SHISA9: variants seen among roughly 807,000 people sequenced by gnomAD.
SHISA9 encodes the protein shisa family member 9.
A neutral mutation model predicts 38.0 loss-of-function variants in SHISA9; 13 were observed. The ratio of observed to expected loss-of-function variants is 0.34; its 90% CI spans 0.22 to 0.54. The LOEUF is 0.54. SHISA9 is among the 20% of genes least tolerant of loss of function. The pLI is 0.91. For synonymous variants in SHISA9, 275 were observed against 242.0 expected (o/e 1.14, Z -1.27); for missense variants, 538 against 575.8 (o/e 0.93, Z 0.67).
the SHISA9 span, among the ~76,000 whole-genome samples, chr16:13,549,078 C>T: frequency 1.1e-4 from 17 of 152,162 alleles, no homozygotes; most frequent in Non-Finnish European, 2.4e-4. Context: ...GTGGATGAAT[C>T]TGGAGATCAT....
the SHISA9 span, among the ~76,000 whole-genome samples, chr16:13,384,452 G>T: frequency 1.3e-5 from 2 of 152,234 alleles, no homozygotes; most frequent in Non-Finnish European, 2.9e-5. Context: ...ATTGGAATAA[G>T]TAGAAGTATT....
chr16:13,025,045 C>T (rs757327785), intron 2 of SHISA9, among the ~76,000 whole-genome samples: 4 of 152,124 alleles, frequency 2.6e-5, no homozygotes, highest in Non-Finnish European at 4.4e-5. Context: ...TCTTATAGAA[C>T]AGCATAACAT....
intron 2 of SHISA9, among the ~76,000 whole-genome samples, chr16:12,925,988 A>C (rs1356597194): frequency 1.3e-5 from 2 of 152,070 alleles, no homozygotes; most frequent in Non-Finnish European, 2.9e-5. Flanking sequence ...GGCCTCCCAA[A>C]GTGCTGGGAT....
chr16:12,969,986 C>T lies in SHISA9; in HGVS notation c.691+53171C>T, dbSNP rs561187664. Among the ~76,000 whole-genome samples the T allele has an allele frequency of 8.2e-4, 124 of 151,820 alleles. 1 individual carries two copies. Among genetic ancestry groups the T allele is most frequent in the Non-Finnish European group, 1.5e-3 (104 of 67,924 alleles). ...ATCACTACATTCAGAATGGCGAATACCTTGAGAAAAATGAGATGGGGAGAG... is the reference window on the plus strand; with the variant it reads ...ATCACTACATTCAGAATGGCGAATATCTTGAGAAAAATGAGATGGGGAGAG... On this transcript the variant is annotated intron_variant, in intron 2 of 4. Transcript: ENST00000558583.
chr16:13,487,958 T>A, the SHISA9 span, among the ~76,000 whole-genome samples: 2 of 152,170 alleles, frequency 1.3e-5, no homozygotes, highest in Admixed American at 6.5e-5. Flanking sequence ...AGAATCTCTT[T>A]TAAAGCAAGG....
chr16:13,455,651 C>T, the SHISA9 span, among the ~76,000 whole-genome samples: 1 of 152,318 alleles, frequency 6.6e-6, no homozygotes, highest in Non-Finnish European at 1.5e-5. Flanking sequence ...GATGCAAAAA[C>T]ATGAAGCTAA....
intron 2 of SHISA9, among the ~76,000 whole-genome samples, chr16:12,997,327 G>T (rs1019944027): frequency 6.6e-6 from 1 of 150,946 alleles, no homozygotes. Flanking sequence ...TTATTGCTGA[G>T]TAGTATTCCA....
At chr16:13,271,603 A>G in the SHISA9 span, among the ~76,000 whole-genome samples, 1 of 152,206 alleles carries the variant, frequency 6.6e-6, no homozygotes, top group Non-Finnish European at 1.5e-5. Context: ...CCTCAAATAT[A>G]TTATGTAAAG....
rs527417493 is a variant in SHISA9, at chr16:13,057,210, G to A, written c.691+140395G>A. On this transcript the variant is annotated intron_variant, in intron 2 of 4. Coordinates refer to ENST00000558583, the MANE Select transcript of SHISA9 (RefSeq NM_001145204.3). ...CAGCTGTGGCAGCCTCCAGGGAGCC[G>A]AACAATAGAACGTTCATGGATTTGA... Among the ~76,000 whole-genome samples the A allele has an allele frequency of 6.6e-5, 10 of 152,192 alleles. 1 individual carries two copies. Among genetic ancestry groups the A allele is most frequent in the Admixed American group, 5.2e-4 (8 of 15,294 alleles).
intron 2 of SHISA9, among the ~76,000 whole-genome samples, chr16:13,050,359 T>A (rs1054392476): frequency 1.3e-5 from 2 of 152,146 alleles, no homozygotes; most frequent in Non-Finnish European, 2.9e-5. Context: ...ATTAAATGGG[T>A]CTGGCTCCGT....
chr16:13,063,014 T>TC (rs2073393754), intron 2 of SHISA9, among the ~76,000 whole-genome samples: 1 of 152,076 alleles, frequency 6.6e-6, no homozygotes, highest in Non-Finnish European at 1.5e-5. Context: ...TTCTTTTTTT[T>TC]TCTTTTTTTT....
At position 13,150,716 on chromosome 16, in the gene SHISA9, A is replaced by G. The variant is rs2050491972; in HGVS notation, c.692-52678A>G. Among the ~76,000 whole-genome samples, 2 of 152,180 alleles carry G rather than the reference A, an allele frequency of 1.3e-5. 1 individual carries two copies. The highest frequency in any genetic ancestry group is 4.8e-5 in the African/African-American group (2 of 41,450). Reference sequence around the variant, plus strand: ...GCGGAGGCATTGTCTGGGACCTCCCACCACCCCTGCAAGCAGTAATGGTGG... The same window carrying G: ...GCGGAGGCATTGTCTGGGACCTCCCGCCACCCCTGCAAGCAGTAATGGTGG... On this transcript the variant is annotated intron_variant, in intron 2 of 4. Coordinates refer to ENST00000558583, the MANE Select transcript of SHISA9 (RefSeq NM_001145204.3).
In SHISA9 at chr16:12,902,166, A is replaced by T. The variant is rs1315922936; in HGVS notation, c.102A>T (p.Gln34His). 6.5e-7 allele frequency: 1 copy of T among 1,528,274 alleles called. No homozygotes were observed. The highest frequency in any genetic ancestry group is 8.7e-7 in the Non-Finnish European group (1 of 1,143,090). 94.7% of individuals were successfully genotyped at this position (1,528,274 alleles called of 1,614,324 possible). ...GAGCGGGACACGGGCAGCTGGCGCA[A>T]CTGGGCGGCGTGTTGCTGCTGGCGG... Reference protein sequence around the residue: ...QERAGHGQLAQLGGVLLLAGG... With the variant: ...QERAGHGQLAHLGGVLLLAGG... The change falls in exon 1 of 5, where the codon CAA becomes CAT. Residue 34 changes from glutamine to histidine, a missense_variant. This residue lies in a region of SHISA9 where 107 missense variants were observed against 103.0 expected (regional missense o/e 1.04). Transcript: ENST00000558583.
the SHISA9 span, among the ~76,000 whole-genome samples, chr16:13,267,288 T>A: frequency 7.2e-4 from 110 of 152,296 alleles, no homozygotes; most frequent in African/African-American, 2.6e-3. Flanking sequence ...TTTAAAAACA[T>A]ATGGGAACAT....
At chr16:13,558,537 G>A in the SHISA9 span, among the ~76,000 whole-genome samples, 1 of 152,060 alleles carries the variant, frequency 6.6e-6, no homozygotes. Context: ...TTGTATATAT[G>A]TGTTTAAAGG....
intron 2 of SHISA9, among the ~76,000 whole-genome samples, chr16:13,016,623 C>T (rs1195489211): frequency 6.6e-6 from 1 of 152,112 alleles, no homozygotes; most frequent in African/African-American, 2.4e-5. Flanking sequence ...TTATATTAGG[C>T]AAATCCTACA....
At chr16:13,255,624 C>G in the SHISA9 span, among the ~76,000 whole-genome samples, 2 of 152,208 alleles carry the variant, frequency 1.3e-5, no homozygotes, top group Admixed American at 6.5e-5. Flanking sequence ...TCTTCCTTAC[C>G]TTCCACATCT....
chr16:13,248,882 C>T, the SHISA9 span, among the ~76,000 whole-genome samples: 5 of 152,282 alleles, frequency 3.3e-5, no homozygotes, highest in East Asian at 1.9e-4. Flanking sequence ...TTTTAGGCAA[C>T]GCCACAGAGA....
At chr16:13,441,616 T>C in the SHISA9 span, among the ~76,000 whole-genome samples, 1 of 152,204 alleles carries the variant, frequency 6.6e-6, no homozygotes, top group Non-Finnish European at 1.5e-5. Flanking sequence ...GAAAATGCTC[T>C]ATAGACTGCA....
Sources: gnomAD v4.1 joint callset for allele counts (sites outside exome capture counted in the v4.1 genomes callset) on GRCh38, gnomAD v4.1.1 for gene constraint, gnomAD v4.1.1 regional missense constraint, MANE v1.5 for transcripts, NCBI Gene and HGNC (gene_info 2026-07-23, HGNC 2026-07-21) for gene names.